NCAM2: variants seen among roughly 807,000 people sequenced by gnomAD.
The protein encoded by NCAM2 is N-CAM-2.
NCAM2 carries 30 observed loss-of-function variants against 98.1 expected under a neutral mutation model. The ratio of observed to expected loss-of-function variants is 0.31; its 90% CI spans 0.23 to 0.41. The LOEUF is 0.41. Among genes scored for constraint, NCAM2 ranks in the 10% least tolerant of loss-of-function variants. The pLI is 1.00. For synonymous variants in NCAM2, 368 were observed against 342.4 expected, an observed-to-expected ratio of 1.07 and a Z score of -0.83; for missense variants, 867 against 1,005.8, an observed-to-expected ratio of 0.86 and a Z score of 1.87.
intron 1 of NCAM2, among the ~76,000 whole-genome samples, chr21:21,110,219 C>T (rs1291916706): frequency 2.0e-5 from 3 of 152,198 alleles, no homozygotes; most frequent in African/African-American, 7.2e-5. Flanking sequence ...GAGTGTCACC[C>T]TATGTAGTTT....
intron 7 of NCAM2, among the ~76,000 whole-genome samples, chr21:21,337,895 A>G (rs574213958): frequency 2.0e-5 from 3 of 152,200 alleles, no homozygotes; most frequent in South Asian, 2.1e-4. Flanking sequence ...TTTTCAGGAT[A>G]TATCATTTAC....
At chr21:21,313,401 A>T (rs2074119535) in intron 5 of NCAM2, among the ~76,000 whole-genome samples, 1 of 151,630 alleles carries the variant, frequency 6.6e-6, no homozygotes, top group African/African-American at 2.4e-5. Flanking sequence ...CACATGTAGG[A>T]TTGTCATATT....
intron 9 of NCAM2, among the ~76,000 whole-genome samples, chr21:21,394,725 G>A (rs1403510151): frequency 6.6e-6 from 1 of 151,628 alleles, no homozygotes; most frequent in African/African-American, 2.4e-5. Flanking sequence ...CTGACCTCGT[G>A]ATCCTCCTGC....
intron 5 of NCAM2, among the ~76,000 whole-genome samples, chr21:21,312,760 C>G (rs571548863): frequency 6.6e-6 from 1 of 151,856 alleles, no homozygotes; most frequent in Non-Finnish European, 1.5e-5. Context: ...ATTCCCTCCT[C>G]TTATATTTTC....
At chr21:21,379,531 A>C (rs2148079001) in intron 9 of NCAM2, among the ~76,000 whole-genome samples, 1 of 152,168 alleles carries the variant, frequency 6.6e-6, no homozygotes, top group South Asian at 2.1e-4. Context: ...ATGTACAAGA[A>C]TCTGTTTAAC....
At chr21:21,449,544 G>A (rs976334008) in intron 12 of NCAM2, among the ~76,000 whole-genome samples, 2 of 151,870 alleles carry the variant, frequency 1.3e-5, no homozygotes, top group Admixed American at 6.6e-5. Flanking sequence ...TATTGATAGC[G>A]CATTTTAGAT....
chr21:21,082,103 A>G (rs1331464413), intron 1 of NCAM2, among the ~76,000 whole-genome samples: 1 of 150,344 alleles, frequency 6.7e-6, no homozygotes, highest in Non-Finnish European at 1.5e-5. Context: ...TGGCAGGCGC[A>G]TGTAGTCCCA....
intron 1 of NCAM2, among the ~76,000 whole-genome samples, chr21:21,254,075 C>A (rs2071571814): frequency 6.6e-6 from 1 of 152,150 alleles, no homozygotes; most frequent in Non-Finnish European, 1.5e-5. Context: ...AGTACCAAAA[C>A]AAGGGTACAA....
At chr21:21,176,463 G>C (rs1314157491) in intron 1 of NCAM2, among the ~76,000 whole-genome samples, 1 of 151,854 alleles carries the variant, frequency 6.6e-6, no homozygotes, top group Non-Finnish European at 1.5e-5. Flanking sequence ...TTGCTAATTT[G>C]GTGTTCTAAC....
intron 1 of NCAM2, among the ~76,000 whole-genome samples, chr21:21,028,685 A>G (rs890969948): frequency 7.2e-5 from 11 of 152,238 alleles, no homozygotes; most frequent in African/African-American, 2.7e-4. Flanking sequence ...TGAAATTGGC[A>G]CACAAAATGC....
Position 21,397,259 on chromosome 21 carries a change from A to G in NCAM2, c.1196-13015A>G, listed in dbSNP as rs139791207. 3.2e-3 allele frequency among the ~76,000 whole-genome samples: 487 copies of G among 152,270 alleles called. 2 individuals carry two copies. Among genetic ancestry groups the G allele is most frequent in the African/African-American group, 0.011 (464 of 41,546 alleles). ...GGCCACGATTCCACCCAGAACTTAT[A>G]GCCCTAACTCCAGGCTTCAGGCTCT... On this transcript the variant is annotated intron_variant, in intron 9 of 17. Coordinates refer to ENST00000400546, the MANE Select transcript of NCAM2 (RefSeq NM_004540.5).
At chr21:21,094,761 A>G (rs975757554) in intron 1 of NCAM2, among the ~76,000 whole-genome samples, 29 of 151,730 alleles carry the variant, frequency 1.9e-4, no homozygotes, top group African/African-American at 7.0e-4. Context: ...TTACATAACG[A>G]TGTAAGTGGG....
At chr21:21,013,380 G>A (rs778907469) in intron 1 of NCAM2, among the ~76,000 whole-genome samples, 58 of 152,210 alleles carry the variant, frequency 3.8e-4, no homozygotes, top group Non-Finnish European at 4.7e-4. Context: ...AAACCAAAGC[G>A]TAATCCAGAG....
chr21:21,037,809 C>T (rs567564448), intron 1 of NCAM2, among the ~76,000 whole-genome samples: 2 of 152,216 alleles, frequency 1.3e-5, no homozygotes, highest in African/African-American at 4.8e-5. Context: ...ATACTACATA[C>T]TTGAAGTTGG....
chr21:21,275,904 A>G (rs57415196), intron 1 of NCAM2, among the ~76,000 whole-genome samples: 4,702 of 152,228 alleles, frequency 0.031, 248 homozygotes, highest in African/African-American at 0.11. Flanking sequence ...ACAAAAATTC[A>G]AGTCAGTTGT....
chr21:21,082,703 T>A (rs1430548582), intron 1 of NCAM2, among the ~76,000 whole-genome samples: 1 of 152,200 alleles, frequency 6.6e-6, no homozygotes, highest in East Asian at 1.9e-4. Context: ...CTGGGCTGAT[T>A]TATTATGTTC....
chr21:21,385,731 A>G (rs1409780857), intron 9 of NCAM2: 1 of 1,104,156 alleles, frequency 9.1e-7, no homozygotes, highest in South Asian at 1.4e-5. Flanking sequence ...CATGTGATAT[A>G]CAGTTTAATG....
At chr21:21,061,102 C>G (rs986727393) in intron 1 of NCAM2, among the ~76,000 whole-genome samples, 19 of 152,034 alleles carry the variant, frequency 1.2e-4, no homozygotes, top group African/African-American at 4.3e-4. Context: ...TTCAGAGTAG[C>G]AATTTATAGC....
intron 1 of NCAM2, among the ~76,000 whole-genome samples, chr21:21,109,425 T>C (rs976107139): frequency 1.3e-5 from 2 of 152,276 alleles, no homozygotes; most frequent in South Asian, 2.1e-4. Context: ...ACACATACTA[T>C]GTACCCACCA....
Sources: allele counts gnomAD v4.1 joint callset (sites outside exome capture counted in the v4.1 genomes callset), GRCh38; gene constraint gnomAD v4.1.1; transcripts MANE v1.5; gene names NCBI Gene and HGNC (gene_info 2026-07-23, HGNC 2026-07-21).